NSD1: variants seen among roughly 807,000 people sequenced by gnomAD.
NSD1 encodes the protein nuclear receptor binding SET domain protein 1.
Under a neutral mutation model 242.7 loss-of-function variants are expected in NSD1, and 26 were observed. That is an observed-to-expected ratio of 0.11 (90% CI 0.08 to 0.15). The LOEUF (loss-of-function observed/expected upper bound fraction) is 0.15. Ranked by LOEUF, NSD1 falls within the 10% of genes least tolerant of loss-of-function variation. The probability of loss-of-function intolerance (pLI) is 1.00; values close to 1 mark genes in which losing one functional copy is unlikely to be tolerated. For synonymous variants in NSD1, 1,106 were observed against 1,178.1 expected, an observed-to-expected ratio of 0.94 and a Z score of 1.25; for missense variants, 2,495 against 3,272.8, an observed-to-expected ratio of 0.76 and a Z score of 5.80.
At chr5:177,285,198 G>A (rs1759207493) in intron 20 of NSD1, among the ~76,000 whole-genome samples, 1 of 152,088 alleles carries the variant, frequency 6.6e-6, no homozygotes, top group Non-Finnish European at 1.5e-5. Flanking sequence ...TAGCTTCAAG[G>A]TTTTGATACA....
At chr5:177,216,279 G>T (rs1172836123) in intron 5 of NSD1, among the ~76,000 whole-genome samples, 2 of 152,052 alleles carry the variant, frequency 1.3e-5, no homozygotes, top group Admixed American at 6.6e-5. Context: ...CTCCCATTTT[G>T]TACCTGCCTT....
intron 12 of NSD1, among the ~76,000 whole-genome samples, chr5:177,253,373 G>T (rs772204766): frequency 6.6e-6 from 1 of 152,176 alleles, no homozygotes; most frequent in Admixed American, 6.5e-5. Flanking sequence ...ATTTTGGTAT[G>T]TGTATATGTA....
intron 17 of NSD1, among the ~76,000 whole-genome samples, chr5:177,275,435 C>A (rs1313535232): frequency 2.0e-5 from 1 of 50,144 alleles, no homozygotes; most frequent in African/African-American, 8.8e-5. Flanking sequence ...CTTCCCTTGT[C>A]TTTTTTTTTT....
chr5:177,233,951 G>T (rs571763703), intron 5 of NSD1, among the ~76,000 whole-genome samples: 8 of 152,254 alleles, frequency 5.3e-5, no homozygotes, highest in African/African-American at 1.7e-4. Context: ...TAGATGTATG[G>T]GTGTGAAAGG....
chr5:177,170,596 G>A (rs1188581818), intron 2 of NSD1, among the ~76,000 whole-genome samples: 1 of 151,958 alleles, frequency 6.6e-6, no homozygotes, highest in Non-Finnish European at 1.5e-5. Context: ...CAGGCAATCC[G>A]CCTGCCTCAG....
chr5:177,194,146 A>T (rs778525315), intron 3 of NSD1, among the ~76,000 whole-genome samples: 7 of 152,280 alleles, frequency 4.6e-5, no homozygotes, highest in Non-Finnish European at 1.0e-4. Flanking sequence ...ATGAGTAAAT[A>T]CATACTTCTT....
chr5:177,132,789 A>AGGGGAGGGAGAGGGATGGGGGGAGG (rs1755964493), upstream of NSD1, among the ~76,000 whole-genome samples: 1 of 101,902 alleles, frequency 9.8e-6, no homozygotes, highest in South Asian at 3.2e-4. This position sits in a 1 kb window ranked among gnomAD's most constrained non-coding sequence, Gnocchi z 7.5. Context: ...CGGCCCGGCA[A>AGGGGAGGGAGAGGGATGGGGGGAGG]GGGGAGGGAG....
intron 13 of NSD1, among the ~76,000 whole-genome samples, chr5:177,258,457 C>G (rs925936859): frequency 3.3e-5 from 5 of 151,846 alleles, no homozygotes; most frequent in Non-Finnish European, 5.9e-5. Flanking sequence ...CCAAAACTGT[C>G]TGTGCATATA....
In NSD1 at chr5:177,300,186, TGTAAA is replaced by T. The variant is rs950251981; in HGVS notation, c.*4735_*4739del. On this transcript the variant is annotated 3_prime_UTR_variant, in exon 23 of 23. Coordinates refer to ENST00000439151, the MANE Select transcript of NSD1 (RefSeq NM_022455.5). Reference sequence around the variant, plus strand: ...CTTTGTATATAGAAAAAAAATTTACTGTAAAGTAAAGTTTAACTTTACTCATATAT... The same window carrying T: ...CTTTGTATATAGAAAAAAAATTTACTGTAAAGTTTAACTTTACTCATATAT... The T allele has an allele frequency of 4.5e-5, 10 of 224,282 alleles. No homozygotes were observed. Among genetic ancestry groups the T allele is most frequent in the South Asian group, 1.8e-4 (1 of 5,444 alleles). 13.9% of individuals were successfully genotyped at this position (224,282 alleles called of 1,614,324 possible).
At chr5:177,159,749 C>T (rs1207032024) in intron 2 of NSD1, among the ~76,000 whole-genome samples, 3 of 151,898 alleles carry the variant, frequency 2.0e-5, no homozygotes, top group Non-Finnish European at 2.9e-5. Flanking sequence ...TATACCACCA[C>T]GCCTGGCTAA....
chr5:177,235,939 G>T lies in NSD1; in HGVS notation c.3915G>T (p.Val1305=). ...KKKQKKVQEQ[V]HKVSSRCEEE... ...AACAAAAGAAGGTACAGGAGCAGGT[G>T]CACAAGGTATGTTGCAAAATTTCAG... Residue 1305 remains valine, a synonymous_variant, in exon 6 of 23, where the codon GTG becomes GTT. Transcript: ENST00000439151. 6.2e-7 allele frequency: 1 copy of T among 1,613,828 alleles called. No individual in the cohort carries two copies.
At chr5:177,214,277 A>G (rs1236218727) in intron 5 of NSD1, among the ~76,000 whole-genome samples, 1 of 152,136 alleles carries the variant, frequency 6.6e-6, no homozygotes, top group Non-Finnish European at 1.5e-5. Context: ...GGTTGCAGTG[A>G]GTGGAGGTTG....
intron 11 of NSD1, among the ~76,000 whole-genome samples, chr5:177,251,351 G>A (rs1755945885): frequency 6.6e-6 from 1 of 152,188 alleles, no homozygotes; most frequent in African/African-American, 2.4e-5. Flanking sequence ...CAAAAGGGCT[G>A]TTTAGACCTT....
chr5:177,271,668 C>T (rs1757951939), intron 16 of NSD1, among the ~76,000 whole-genome samples: 1 of 152,138 alleles, frequency 6.6e-6, no homozygotes, highest in Admixed American at 6.5e-5. Flanking sequence ...GTATTTGGTA[C>T]AGTTTAAGCA....
intron 17 of NSD1, among the ~76,000 whole-genome samples, chr5:177,277,268 G>T (rs1432698802): frequency 2.6e-5 from 4 of 151,734 alleles, no homozygotes; most frequent in Admixed American, 1.3e-4. Flanking sequence ...GTATTTTTTA[G>T]TGATTGGCAA....
In NSD1 at chr5:177,228,848, T is replaced by A. The variant is rs531667460; in HGVS notation, c.3797-6973T>A. On this transcript the variant is annotated intron_variant, in intron 5 of 22. Coordinates refer to ENST00000439151, the MANE Select transcript of NSD1 (RefSeq NM_022455.5). The stretch of plus-strand genomic sequence containing the variant: ...ATACAATCGAATACTATTTGCAAAT[T>A]TAATGTGTTATGCAACCATCTCTGT... Among the ~76,000 whole-genome samples the A allele has an allele frequency of 2.0e-5, 3 of 152,326 alleles. No individual in the cohort carries two copies. In the East Asian group the frequency reaches 5.8e-4, roughly 29 times the overall value.
intron 13 of NSD1, among the ~76,000 whole-genome samples, chr5:177,259,066 C>G (rs1756771379): frequency 6.6e-6 from 1 of 151,194 alleles, no homozygotes; most frequent in Non-Finnish European, 1.5e-5. Flanking sequence ...AACCCCTGAC[C>G]TCAGGTGATC....
intron 2 of NSD1, among the ~76,000 whole-genome samples, chr5:177,161,713 T>TA (rs1265115029): frequency 4.7e-5 from 7 of 150,114 alleles, no homozygotes; most frequent in African/African-American, 1.7e-4. Context: ...TTTTTTGAGA[T>TA]AGAGTCCAGC....
At chr5:177,230,469 T>A (rs1764969255) in intron 5 of NSD1, among the ~76,000 whole-genome samples, 1 of 152,104 alleles carries the variant, frequency 6.6e-6, no homozygotes, top group Admixed American at 6.6e-5. Flanking sequence ...TATTGAAGCC[T>A]AGTCTGAGAA....
Sources: gnomAD v4.1 joint callset for allele counts (sites outside exome capture counted in the v4.1 genomes callset) on GRCh38, gnomAD v4.1.1 for gene constraint, Gnocchi (gnomAD v3.1) non-coding constraint, MANE v1.5 for transcripts, NCBI Gene and HGNC (gene_info 2026-07-23, HGNC 2026-07-21) for gene names.